The following KCNN2 variants were observed in gnomAD, a reference collection of about 807,000 sequenced individuals.
The protein encoded by KCNN2 is small conductance calcium-activated potassium channel protein 2.
In KCNN2, 24 loss-of-function variants were observed where a neutral mutation model predicts 55.5. The ratio of observed to expected loss-of-function variants is 0.43; its 90% CI spans 0.31 to 0.61. The LOEUF (loss-of-function observed/expected upper bound fraction) is 0.61. Among genes scored for constraint, KCNN2 ranks in the 20% least tolerant of loss-of-function variants. The probability of loss-of-function intolerance (pLI) is 0.08; values close to 1 mark genes in which losing one functional copy is unlikely to be tolerated. For missense variants in KCNN2, 754 were observed against 853.6 expected (o/e 0.88, Z 1.45); for synonymous variants, 431 against 336.1 (o/e 1.28, Z -3.09).
intron 2 of KCNN2, among the ~76,000 whole-genome samples, chr5:114,257,228 T>G (rs1266772523): frequency 6.6e-6 from 1 of 152,178 alleles, no homozygotes; most frequent in Non-Finnish European, 1.5e-5. Context: ...GTGTCTACTT[T>G]TATACCAGGA....
At chr5:114,310,982 C>T (rs775529763) in intron 2 of KCNN2, among the ~76,000 whole-genome samples, 1 of 152,166 alleles carries the variant, frequency 6.6e-6, no homozygotes, top group African/African-American at 2.4e-5. Context: ...CTTTTGCTGC[C>T]TCTTGACAGT....
intron 6 of KCNN2, among the ~76,000 whole-genome samples, chr5:114,492,990 T>C (rs1010117725): frequency 6.6e-6 from 1 of 152,144 alleles, no homozygotes; most frequent in Admixed American, 6.6e-5. Flanking sequence ...TACCTGTATC[T>C]AATCATGTAG....
intron 7 of KCNN2, among the ~76,000 whole-genome samples, chr5:114,494,258 TG>T (rs1193499082): frequency 5.1e-5 from 1 of 19,774 alleles, no homozygotes; most frequent in Non-Finnish European, 2.1e-3. Flanking sequence ...TCTTACAAAC[TG>T]TTTTTTTTTG....
At chr5:114,130,808 C>G (rs1369496328) in intron 1 of KCNN2, among the ~76,000 whole-genome samples, 2 of 152,138 alleles carry the variant, frequency 1.3e-5, no homozygotes, top group Non-Finnish European at 2.9e-5. Flanking sequence ...TGTATGTATA[C>G]ATCTATGTCA....
chr5:114,200,442 G>A (rs990513655), intron 1 of KCNN2, among the ~76,000 whole-genome samples: 2 of 150,090 alleles, frequency 1.3e-5, no homozygotes, highest in African/African-American at 2.5e-5. Flanking sequence ...TCTTTATATC[G>A]TTTTTCTGAT....
At chr5:114,291,967 T>C (rs1349399842) in intron 2 of KCNN2, among the ~76,000 whole-genome samples, 2 of 152,310 alleles carry the variant, frequency 1.3e-5, no homozygotes, top group East Asian at 1.9e-4. Flanking sequence ...TTTCATGTGT[T>C]TTTTGGCTGC....
chr5:114,162,350 T>G (rs1752805495), intron 1 of KCNN2, among the ~76,000 whole-genome samples: 1 of 152,070 alleles, frequency 6.6e-6, no homozygotes, highest in South Asian at 2.1e-4. Flanking sequence ...GCTGCCAGAT[T>G]GTTGCTTTGG....
intron 3 of KCNN2, among the ~76,000 whole-genome samples, chr5:114,422,346 G>C (rs1409743570): frequency 2.0e-5 from 3 of 152,114 alleles, no homozygotes; most frequent in African/African-American, 4.8e-5. Context: ...TATAAAAAGA[G>C]ACCCCAGAGA....
chr5:114,233,735 C>A (rs548348906), intron 2 of KCNN2, among the ~76,000 whole-genome samples: 2 of 152,180 alleles, frequency 1.3e-5, no homozygotes, highest in African/African-American at 4.8e-5. Context: ...ACAATGAGAA[C>A]ACAATGAGAC....
intron 2 of KCNN2, among the ~76,000 whole-genome samples, chr5:114,367,637 G>A (rs1304991349): frequency 1.3e-5 from 2 of 151,540 alleles, no homozygotes; most frequent in African/African-American, 2.4e-5. Context: ...ACAGAAGCAT[G>A]CTTTTCAGTG....
At chr5:114,148,950 C>G (rs1023238541) in intron 1 of KCNN2, among the ~76,000 whole-genome samples, 2 of 151,996 alleles carry the variant, frequency 1.3e-5, no homozygotes, top group Admixed American at 1.3e-4. Flanking sequence ...GAATAAGAGC[C>G]CAGTCAGCCC....
chr5:114,450,992 T>C (rs892558864), intron 3 of KCNN2, among the ~76,000 whole-genome samples: 16 of 152,224 alleles, frequency 1.1e-4, no homozygotes, highest in African/African-American at 3.6e-4. Context: ...TTTCTAATAA[T>C]ATATAAATTG....
intron 1 of KCNN2, among the ~76,000 whole-genome samples, chr5:114,139,984 T>C (rs1163503809): frequency 6.6e-6 from 1 of 152,090 alleles, no homozygotes; most frequent in Non-Finnish European, 1.5e-5. Context: ...TTAAGAAAGA[T>C]ATTAGATTTG....
intron 3 of KCNN2, among the ~76,000 whole-genome samples, chr5:114,435,493 T>A (rs1052379980): frequency 2.6e-5 from 4 of 152,166 alleles, no homozygotes; most frequent in African/African-American, 7.2e-5. Context: ...TTTCTAGACT[T>A]CATAGTATTC....
chr5:114,311,726 T>C (rs1220017404), intron 2 of KCNN2, among the ~76,000 whole-genome samples: 4 of 152,154 alleles, frequency 2.6e-5, no homozygotes, highest in Non-Finnish European at 5.9e-5. Flanking sequence ...TAATAAGGTC[T>C]TTCTGCATAG....
intron 2 of KCNN2, among the ~76,000 whole-genome samples, chr5:114,373,298 C>G (rs979651039): frequency 1.3e-5 from 2 of 151,762 alleles, no homozygotes; most frequent in Admixed American, 6.6e-5. Context: ...AAAAGGGTAT[C>G]CCTTTTGAAT....
At chr5:114,251,969 C>T (rs1028057322) in intron 2 of KCNN2, among the ~76,000 whole-genome samples, 1 of 150,120 alleles carries the variant, frequency 6.7e-6, no homozygotes, top group African/African-American at 2.4e-5. Flanking sequence ...ACCTCTGCCT[C>T]CCAGGTTCAA....
At chr5:114,157,240 G>A (rs1414553974) in intron 1 of KCNN2, among the ~76,000 whole-genome samples, 1 of 147,076 alleles carries the variant, frequency 6.8e-6, no homozygotes, top group Non-Finnish European at 1.5e-5. Flanking sequence ...CCACCTATGA[G>A]TGAGAACATG....
Position 114,269,020 on chromosome 5 carries a change from A to G in KCNN2, c.-185+47455A>G, listed in dbSNP as rs76249642. Among the ~76,000 whole-genome samples, 256 of 152,074 alleles carry G rather than the reference A, an allele frequency of 1.7e-3. 1 individual carries two copies. The highest frequency in any genetic ancestry group is 6.0e-3 in the African/African-American group (248 of 41,504). ...AATTGATAAGGCTTTCTTTCAAATC[A>G]TGAGCTCATCCATAAGCCTTGAAAA... On this transcript the variant is annotated intron_variant, in intron 2 of 10. Coordinates refer to the KCNN2 transcript ENST00000512097.
Sources: allele counts gnomAD v4.1 joint callset (sites outside exome capture counted in the v4.1 genomes callset), GRCh38; gene constraint gnomAD v4.1.1; transcripts MANE v1.5; gene names NCBI Gene and HGNC (gene_info 2026-07-23, HGNC 2026-07-21).